Variants in IL17RE observed in about 807,000 individuals in gnomAD.
IL17RE encodes the protein interleukin-17 receptor E.
In IL17RE, 47 loss-of-function variants were observed where a neutral mutation model predicts 70.7. That is an observed-to-expected ratio of 0.67 (90% CI 0.53 to 0.85). IL17RE has a LOEUF of 0.85. Among genes scored for constraint, IL17RE ranks in the 40% least tolerant of loss-of-function variants. The pLI is 0.00. For synonymous variants in IL17RE, 372 were observed against 381.2 expected, an observed-to-expected ratio of 0.98 and a Z score of 0.28; for missense variants, 850 against 893.9, an observed-to-expected ratio of 0.95 and a Z score of 0.63.
intron 13 of IL17RE, 25 bp from the exon 14 acceptor site, chr3:9,914,523 G>A (rs2082966564): frequency 1.2e-5 from 19 of 1,613,254 alleles, no homozygotes; most frequent in Non-Finnish European, 1.4e-5. Context: ...CTGGCTCATA[G>A]GGGTGGGGGG....
intron 2 of IL17RE, 36 bp downstream of exon 2, chr3:9,903,448 C>A: frequency 1.9e-6 from 3 of 1,612,566 alleles, no homozygotes; most frequent in Non-Finnish European, 2.5e-6. Flanking sequence ...CTCCTCCCCA[C>A]GCCCACTATT....
intron 12 of IL17RE, among the ~76,000 whole-genome samples, chr3:9,913,030 T>G (rs2082928841): frequency 6.6e-6 from 1 of 152,200 alleles, no homozygotes; most frequent in South Asian, 2.1e-4. Flanking sequence ...GTAGTTTATT[T>G]AAAAAGACAT....
upstream of IL17RE, chr3:9,902,586 G>A (rs778504155): frequency 9.2e-5 from 141 of 1,527,730 alleles, no homozygotes; most frequent in Non-Finnish European, 3.3e-5. Context: ...CAGATCTGCA[G>A]TGTGTTTCAG....
chr3:9,914,358 C>T (rs1167314323), intron 13 of IL17RE, 190 bp from the exon 14 acceptor site: 8 of 1,441,320 alleles, frequency 5.6e-6, no homozygotes, highest in Non-Finnish European at 7.3e-6. Flanking sequence ...GAGTTTGGCC[C>T]CTGTCACACT....
Position 9,916,048 on chromosome 3 carries a change from C to A in IL17RE, c.*241C>A. ...TAACCCCTGTTCTGATGGGGGAGGG[C>A]GGTCTTCCCACTTCCTCTCCAGAAC... On this transcript the variant is annotated 3_prime_UTR_variant, in exon 16 of 16. Transcript: ENST00000383814. 1.8e-6 allele frequency: 1 copy of A among 557,544 alleles called. No homozygotes were observed. The highest frequency in any genetic ancestry group is 4.5e-5 in the Admixed American group (1 of 22,332). 34.5% of individuals were successfully genotyped at this position (557,544 alleles called of 1,614,324 possible).
rs150743797 is a variant in IL17RE at position 9,909,792 on chromosome 3, A to G, written c.802+509A>G. The G allele has an allele frequency of 2.4e-3, 376 of 154,980 alleles. 2 individuals are homozygous for G. Among genetic ancestry groups the G allele is most frequent in the Middle Eastern group, 0.01 (3 of 300 alleles). The allele number at this position is 154,980 out of a possible 1,614,324, so 9.6% of individuals were successfully genotyped here. ...AAAAGTGACTCACATAAAGCAGCCT[A>G]CAGAACTTACAGGGCAGGGTTATGG... On this transcript the variant is annotated intron_variant, in intron 8 of 15. Transcript: ENST00000383814.
At position 9,910,962 on chromosome 3, in the gene IL17RE, A is replaced by T; in HGVS notation, c.900A>T (p.Glu300Asp). The change falls in exon 9 of 16, where the codon GAA (glutamate) becomes GAT (aspartate). Residue 300 changes from glutamate to aspartate, a missense_variant. Glu to Asp is a conservative substitution (Grantham distance 45, BLOSUM62 2). Coordinates refer to ENST00000383814, the MANE Select transcript of IL17RE (RefSeq NM_153480.2). Reference sequence around the variant, plus strand: ...CACTCCGCTGCCCACTGAAGCTGGAAGCTGCCCTCTGCCAGAGGCACGACT... The same window carrying T: ...CACTCCGCTGCCCACTGAAGCTGGATGCTGCCCTCTGCCAGAGGCACGACT... The part of the protein sequence containing the change: ...ALTLRCPLKL[E>D]AALCQRHDWH... 6.2e-7 allele frequency: 1 copy of T among 1,614,162 alleles called. No homozygotes were observed. Among genetic ancestry groups the T allele is most frequent in the Non-Finnish European group, 8.5e-7 (1 of 1,180,014 alleles).
rs971780239 is a variant in IL17RE at position 9,906,381 on chromosome 3, T to C, written c.286T>C (p.Phe96Leu). 8.7e-6 allele frequency: 14 copies of C among 1,613,730 alleles called. No homozygotes were observed. Among genetic ancestry groups the C allele is most frequent in the Admixed American group, 8.3e-5 (5 of 60,000 alleles). Residue 96 changes from phenylalanine (F) to leucine (L), a missense_variant, in exon 4 of 16, where the codon TTC becomes CTC. By Grantham distance (22) the Phe-to-Leu change is conservative. Coordinates refer to ENST00000383814, the MANE Select transcript of IL17RE (RefSeq NM_153480.2). ...SGGSGLQRGL[F>L]HLLVQKSKKS... is the part of the protein sequence containing the mutation. ...CTGCACAGGTCTTCAACGGGGCCTC[T>C]TCCACCTCCTGGTGCAGAAATCCAA... is the stretch of plus-strand genomic sequence containing the variant.
chr3:9,906,864 AG>A lies in IL17RE; in HGVS notation c.526+1del. On this transcript the variant is annotated frameshift_variant and splice_region_variant, in exon 5 of 16. Transcript: ENST00000383814. LOFTEE classifies it high-confidence loss of function. Reference protein sequence around the residue: ...LPRLDSQRHGGPEFSFDLLPE... With the variant: ...LPRLDSQRHGXPEFSFDLLPE... ...CCAGATTGGACTCACAAAGGCATGGAGGTGGGCACTGGGTACAACAGGAGAT... is the reference window on the plus strand; with the variant it reads ...CCAGATTGGACTCACAAAGGCATGGAGTGGGCACTGGGTACAACAGGAGAT... 6.2e-7 allele frequency: 1 copy of A among 1,614,180 alleles called. No individual in the cohort carries two copies. Among genetic ancestry groups the A allele is most frequent in the Non-Finnish European group, 8.5e-7 (1 of 1,180,026 alleles).
At chr3:9,908,877 A>G (rs1174535715) in intron 7 of IL17RE, among the ~76,000 whole-genome samples, 2 of 152,202 alleles carry the variant, frequency 1.3e-5, no homozygotes, top group Admixed American at 6.5e-5. Context: ...TTCCAGAGTC[A>G]GGAGCCAACA....
upstream of IL17RE, chr3:9,902,815 G>C: frequency 1.3e-6 from 2 of 1,581,906 alleles, no homozygotes; most frequent in Non-Finnish European, 1.7e-6. Flanking sequence ...GGCGGGGCCA[G>C]GGCAGGCTGG....
Position 9,916,033 on chromosome 3 carries a change from T to G in IL17RE, c.*226T>G. On this transcript the variant is annotated 3_prime_UTR_variant, in exon 16 of 16. Coordinates refer to ENST00000383814, the MANE Select transcript of IL17RE (RefSeq NM_153480.2). ...GACTGAGAGCTCCTCTAACCCCTGTTCTGATGGGGGAGGGCGGTCTTCCCA... is the reference window on the plus strand; with the variant it reads ...GACTGAGAGCTCCTCTAACCCCTGTGCTGATGGGGGAGGGCGGTCTTCCCA... 1 of 656,664 alleles carries G rather than the reference T, an allele frequency of 1.5e-6. No homozygotes were observed. The highest frequency in any genetic ancestry group is 2.2e-6 in the Non-Finnish European group (1 of 450,180). 40.7% of individuals were successfully genotyped at this position (656,664 alleles called of 1,614,324 possible).
Position 9,915,387 on chromosome 3 carries a change from G to T in IL17RE, c.1584G>T (p.Glu528Asp). ...GCGACGTGATCGTGGACCTGTGGGA[G>T]GGGAGGCACGTGGCGCGCGTGGGCC... ...GGRDVIVDLW[E>D]GRHVARVGPL... The change falls in exon 16 of 16, where the codon GAG becomes GAT. Residue 528 changes from glutamate (E) to aspartate (D), a missense_variant. Transcript: ENST00000383814. The surrounding 1 kb of genome is among the most constrained non-coding windows in gnomAD (Gnocchi z 4.9). 7.3e-7 allele frequency: 1 copy of T among 1,365,770 alleles called. No homozygotes were observed. The highest frequency in any genetic ancestry group is 9.3e-7 in the Non-Finnish European group (1 of 1,069,840). 84.6% of individuals were successfully genotyped at this position (1,365,770 alleles called of 1,614,324 possible).
At position 9,904,121 on chromosome 3, in the gene IL17RE, T is replaced by G. The variant is rs1228634140; in HGVS notation, c.238T>G (p.Leu80Val). ...GCGAGTCTGGCACTGTTCCCGCTGTTTGTGCCAGCATCTGCTGTCAGGTGG... is the reference window on the plus strand; with the variant it reads ...GCGAGTCTGGCACTGTTCCCGCTGTGTGTGCCAGCATCTGCTGTCAGGTGG... ...CVRVWHCSRC[L>V]CQHLLSGGSG... is the part of the protein sequence containing the mutation. The change falls in exon 3 of 16, where the codon TTG becomes GTG. Residue 80 changes from leucine (L) to valine (V), a missense_variant. By Grantham distance (32) the Leu-to-Val change is conservative. Transcript: ENST00000383814. The G allele has an allele frequency of 6.2e-7, 1 of 1,614,096 alleles. No homozygotes were observed. Among genetic ancestry groups the G allele is most frequent in the Non-Finnish European group, 8.5e-7 (1 of 1,180,044 alleles).
At chr3:9,903,228 G>A (rs1559265560) in intron 1 of IL17RE, 164 bp downstream of exon 1, 2 of 955,092 alleles carry the variant, frequency 2.1e-6, no homozygotes, top group Non-Finnish European at 3.2e-6. Flanking sequence ...TTGTGCTGAG[G>A]GCCTGGACAG....
rs200160526 is a variant in IL17RE, at chr3:9,913,959, C to T, written c.1231C>T (p.Arg411Trp). 1.1e-5 allele frequency: 18 copies of T among 1,613,744 alleles called. No homozygotes were observed. The highest frequency in any genetic ancestry group is 8.3e-5 in the Admixed American group (5 of 59,990). ...VPPVYTVSQARGSSPVSLDLI... is the reference protein window; with the variant it reads ...VPPVYTVSQAWGSSPVSLDLI... ...TTTCTGCTCTTTGTTTCTACAGGCCCGGGGCTCAAGCCCAGTGTCACTAGA... is the reference window on the plus strand; with the variant it reads ...TTTCTGCTCTTTGTTTCTACAGGCCTGGGGCTCAAGCCCAGTGTCACTAGA... Residue 411 changes from arginine (R) to tryptophan (W), a missense_variant, in exon 13 of 16, where the codon CGG (arginine) becomes TGG (tryptophan). By Grantham distance (101) the Arg-to-Trp change is moderately radical. Transcript: ENST00000383814.
At chr3:9,904,921 C>T (rs9861665) in intron 3 of IL17RE, among the ~76,000 whole-genome samples, 2,604 of 151,652 alleles carry the variant, frequency 0.017, 75 homozygotes, top group African/African-American at 0.06. Context: ...TGGCCAAACC[C>T]CATCTCTACA....
At chr3:9,911,087 A>C in intron 9 of IL17RE, 40 bp from the exon 10 acceptor site, 2 of 1,614,150 alleles carry the variant, frequency 1.2e-6, no homozygotes, top group Non-Finnish European at 1.7e-6. Context: ...GCTGGGGCCC[A>C]GGAATTTTCT....
intron 7 of IL17RE, among the ~76,000 whole-genome samples, 159 bp from the exon 8 acceptor site, chr3:9,909,058 C>T (rs2082826293): frequency 6.6e-6 from 1 of 152,060 alleles, no homozygotes; most frequent in Admixed American, 6.6e-5. Context: ...TCCTCTCCAC[C>T]CTTGCCCCCA....
Sources: gnomAD v4.1 joint callset for allele counts (sites outside exome capture counted in the v4.1 genomes callset) on GRCh38, gnomAD v4.1.1 for gene constraint, Gnocchi (gnomAD v3.1) non-coding constraint, MANE v1.5 for transcripts, NCBI Gene and HGNC (gene_info 2026-07-23, HGNC 2026-07-21) for gene names.